The following CMKLR1 variants were observed in gnomAD, a reference collection of about 807,000 sequenced individuals.
CMKLR1 encodes chemerin-like receptor 1.
In CMKLR1, 6 loss-of-function variants were observed where a neutral mutation model predicts 8.2. The ratio of observed to expected loss-of-function variants is 0.73; its 90% CI spans 0.40 to 1.44. The LOEUF is 1.44. Ranked by LOEUF, CMKLR1 falls within the 40% of genes most tolerant of loss-of-function variation. CMKLR1 has a pLI of 0.02. For synonymous variants in CMKLR1, 178 were observed against 181.2 expected (o/e 0.98, Z 0.14); for missense variants, 429 against 478.0 (o/e 0.90, Z 0.96).
intron 1 of CMKLR1, among the ~76,000 whole-genome samples, chr12:108,334,697 G>A (rs1428974079): frequency 6.6e-6 from 1 of 152,160 alleles, no homozygotes; most frequent in African/African-American, 2.4e-5. Context: ...TGGGGCCCTA[G>A]GACAGGAATA....
intron 2 of CMKLR1, among the ~76,000 whole-genome samples, chr12:108,321,083 G>A (rs937431846): frequency 6.6e-6 from 1 of 152,156 alleles, no homozygotes; most frequent in Non-Finnish European, 1.5e-5. Flanking sequence ...CTGCCGCAGA[G>A]CACAATGCTC....
chr12:108,329,479 C>T (rs1181518991), intron 2 of CMKLR1, among the ~76,000 whole-genome samples: 1 of 152,190 alleles, frequency 6.6e-6, no homozygotes, highest in East Asian at 1.9e-4. Flanking sequence ...CCTGGCTTCC[C>T]CAGTGAAAGC....
At chr12:108,310,418 A>G (rs1566023379) in intron 2 of CMKLR1, among the ~76,000 whole-genome samples, 1 of 152,156 alleles carries the variant, frequency 6.6e-6, no homozygotes, top group Non-Finnish European at 1.5e-5. Flanking sequence ...GAGAATAGCA[A>G]GAGGCCTGGT....
intron 2 of CMKLR1, among the ~76,000 whole-genome samples, chr12:108,315,116 T>TAGC (rs111693130): frequency 0.055 from 8,394 of 151,832 alleles, 635 homozygotes; most frequent in African/African-American, 0.16. Context: ...TTTGTATTTT[T>TAGC]AGCAGTGATG....
chr12:108,302,917 T>C (rs1196487683), intron 2 of CMKLR1, among the ~76,000 whole-genome samples: 6 of 152,100 alleles, frequency 3.9e-5, no homozygotes, highest in Non-Finnish European at 7.4e-5. Context: ...TGGGGGCCCC[T>C]GATGGAGAAG....
At chr12:108,329,035 G>A (rs887484208) in intron 2 of CMKLR1, among the ~76,000 whole-genome samples, 1 of 152,180 alleles carries the variant, frequency 6.6e-6, no homozygotes, top group Non-Finnish European at 1.5e-5. Context: ...CTCCAAGCTG[G>A]TTTATGGGCC....
intron 3 of CMKLR1, 106 bp from the exon 4 acceptor site, chr12:108,293,065 A>G: frequency 9.3e-7 from 1 of 1,079,060 alleles, no homozygotes; most frequent in Non-Finnish European, 1.3e-6. Context: ...GAGCAAGTCC[A>G]GTTTTGTGAT....
intron 2 of CMKLR1, among the ~76,000 whole-genome samples, chr12:108,312,901 C>G (rs1410622762): frequency 6.6e-6 from 1 of 152,148 alleles, no homozygotes; most frequent in Non-Finnish European, 1.5e-5. Flanking sequence ...TGGCCAGACT[C>G]CCAGGGCAGG....
intron 2 of CMKLR1, among the ~76,000 whole-genome samples, chr12:108,325,638 C>A (rs1891965757): frequency 6.6e-6 from 1 of 152,202 alleles, no homozygotes; most frequent in Admixed American, 6.5e-5. Context: ...GAGGCAACAT[C>A]ATCCTTACAC....
intron 2 of CMKLR1, among the ~76,000 whole-genome samples, chr12:108,326,434 T>G (rs907961268): frequency 2.0e-5 from 3 of 152,232 alleles, no homozygotes; most frequent in African/African-American, 7.2e-5. Context: ...GTGAGTTTAT[T>G]GCTTTGGTTT....
At chr12:108,317,662 C>T (rs1891765610) in intron 2 of CMKLR1, among the ~76,000 whole-genome samples, 1 of 152,230 alleles carries the variant, frequency 6.6e-6, no homozygotes, top group African/African-American at 2.4e-5. Context: ...GAATTTACAA[C>T]ACACATACTA....
At chr12:108,299,073 C>T (rs1296659386) in intron 2 of CMKLR1, among the ~76,000 whole-genome samples, 1 of 152,244 alleles carries the variant, frequency 6.6e-6, no homozygotes, top group Non-Finnish European at 1.5e-5. Flanking sequence ...GCATGCTGTG[C>T]AGGACTAGAA....
Position 108,292,977 on chromosome 12 carries a change from G to T in CMKLR1, c.4-18C>A. 1.3e-6 allele frequency: 2 copies of T among 1,584,938 alleles called. No individual in the cohort carries two copies. Among genetic ancestry groups the T allele is most frequent in the South Asian group, 2.3e-5 (2 of 85,486 alleles). On this transcript the variant is annotated intron_variant, in intron 3 of 3. Transcript: ENST00000550402. ...TCCATTCTCTGCAAGAGAAGACAGG[G>T]ACCATTAGAGGAACCCTAGAGTTGG...
At chr12:108,314,224 G>A (rs1051180303) in intron 2 of CMKLR1, among the ~76,000 whole-genome samples, 3 of 152,288 alleles carry the variant, frequency 2.0e-5, no homozygotes, top group Admixed American at 6.5e-5. Context: ...ATGGAGTCAC[G>A]GCTAAGGGTG....
chr12:108,320,217 G>A (rs991072483), intron 2 of CMKLR1, among the ~76,000 whole-genome samples: 1 of 152,114 alleles, frequency 6.6e-6, no homozygotes, highest in Non-Finnish European at 1.5e-5. Flanking sequence ...ACTGAGTTGG[G>A]ATTTAAAGCT....
chr12:108,336,525 G>A lies in CMKLR1; in HGVS notation c.-287+2502C>T, dbSNP rs59108387. The stretch of plus-strand genomic sequence containing the variant: ...TGCGCCACTGTACTCCAGCCTGGGC[G>A]ACAGAGCGAGACTCCATCTCCAGGA... On this transcript the variant is annotated intron_variant, in intron 1 of 3. Transcript: ENST00000550402. 4.4e-3 allele frequency among the ~76,000 whole-genome samples: 666 copies of A among 151,094 alleles called. 7 individuals are homozygous for A. The highest frequency in any genetic ancestry group is 0.016 in the African/African-American group (640 of 41,056).
At position 108,330,092 on chromosome 12, in the gene CMKLR1, T is replaced by C. The variant is rs1423917268; in HGVS notation, c.-171A>G. 1 of 152,166 alleles carries C rather than the reference T, an allele frequency of 6.6e-6. No homozygotes were observed. The highest frequency in any genetic ancestry group is 1.5e-5 in the Non-Finnish European group (1 of 68,040). 9.4% of individuals were successfully genotyped at this position (152,166 alleles called of 1,614,324 possible). On this transcript the variant is annotated 5_prime_UTR_variant, in exon 2 of 4. Coordinates refer to ENST00000550402, the MANE Select transcript of CMKLR1 (RefSeq NM_001142343.2). Reference sequence around the variant, plus strand: ...TGTGACCAACAGAAAGTGGTAGAAGTGATGCTGTGCTAGTCCCAGCCTAGA... The same window carrying C: ...TGTGACCAACAGAAAGTGGTAGAAGCGATGCTGTGCTAGTCCCAGCCTAGA...
intron 2 of CMKLR1, among the ~76,000 whole-genome samples, chr12:108,320,012 A>G (rs889737286): frequency 4.6e-5 from 7 of 152,124 alleles, no homozygotes; most frequent in African/African-American, 7.2e-5. Flanking sequence ...GTAAATCATG[A>G]CAGAGTAAGC....
chr12:108,323,339 T>G (rs539005105), intron 2 of CMKLR1, among the ~76,000 whole-genome samples: 4 of 135,410 alleles, frequency 3.0e-5, no homozygotes, highest in Admixed American at 2.5e-4. Flanking sequence ...TTTCCCTTTT[T>G]TATTTTATTT....
Sources: gnomAD v4.1 joint callset for allele counts (sites outside exome capture counted in the v4.1 genomes callset) on GRCh38, gnomAD v4.1.1 for gene constraint, MANE v1.5 for transcripts, NCBI Gene and HGNC (gene_info 2026-07-23, HGNC 2026-07-21) for gene names.